CTNNA3: variants seen among roughly 807,000 people sequenced by gnomAD.
CTNNA3 encodes catenin alpha-3.
In CTNNA3, 76 loss-of-function variants were observed where a neutral mutation model predicts 95.7. That is an observed-to-expected ratio of 0.79 (90% CI 0.66 to 0.96). CTNNA3 has a LOEUF of 0.96. Among genes scored for constraint, CTNNA3 ranks in the 40% least tolerant of loss-of-function variants. The probability of loss-of-function intolerance (pLI) is 0.00; values close to 1 mark genes in which losing one functional copy is unlikely to be tolerated. For missense variants in CTNNA3, 1,191 were observed against 1,089.8 expected, an observed-to-expected ratio of 1.09 and a Z score of -1.31; for synonymous variants, 431 against 374.4, an observed-to-expected ratio of 1.15 and a Z score of -1.74.
chr10:66,209,055 T>A (rs1349597843), intron 13 of CTNNA3, among the ~76,000 whole-genome samples: 1 of 152,158 alleles, frequency 6.6e-6, no homozygotes, highest in East Asian at 1.9e-4. Flanking sequence ...GCATATTTTT[T>A]AAAAGTCCTC....
In CTNNA3 at chr10:66,447,270, A is replaced by T. The variant is rs537995762; in HGVS notation, c.1532-67918T>A. ...ACTGGCCAGGTAATTTATAGATTCC[A>T]TGCCATCCTCATCAAGCTACCAATG... On this transcript the variant is annotated intron_variant, in intron 11 of 17. Coordinates refer to ENST00000433211, the MANE Select transcript of CTNNA3 (RefSeq NM_013266.4). Among the ~76,000 whole-genome samples the T allele has an allele frequency of 5.9e-5, 9 of 152,294 alleles. No homozygotes were observed. The South Asian group carries it at 1.9e-3, about 32-fold the overall frequency.
chr10:66,305,586 T>G (rs2132241222), intron 12 of CTNNA3, among the ~76,000 whole-genome samples: 1 of 152,302 alleles, frequency 6.6e-6, no homozygotes, highest in Non-Finnish European at 1.5e-5. Context: ...TGATGGTACC[T>G]TATACTTTTC....
chr10:66,595,162 C>T (rs943076461), intron 10 of CTNNA3, among the ~76,000 whole-genome samples: 3 of 151,894 alleles, frequency 2.0e-5, no homozygotes, highest in Non-Finnish European at 4.4e-5. Flanking sequence ...AGTGGAACGA[C>T]AACAACAACC....
At chr10:67,264,625 T>C (rs1374683588) in intron 5 of CTNNA3, among the ~76,000 whole-genome samples, 1 of 152,164 alleles carries the variant, frequency 6.6e-6, no homozygotes, top group African/African-American at 2.4e-5. Flanking sequence ...TCCTCTATTC[T>C]GCAAATTTTA....
At chr10:66,547,309 A>T (rs568039438) in intron 10 of CTNNA3, among the ~76,000 whole-genome samples, 2 of 140,604 alleles carry the variant, frequency 1.4e-5, no homozygotes, top group African/African-American at 5.3e-5. Flanking sequence ...TTAAATGAGT[A>T]TATAACTTAT....
chr10:67,638,717 A>G (rs1463903967), intron 2 of CTNNA3, among the ~76,000 whole-genome samples: 3 of 152,028 alleles, frequency 2.0e-5, no homozygotes, highest in Admixed American at 1.3e-4. Flanking sequence ...ACTCAAAACC[A>G]CTCAACTACA....
rs79695616 is a variant in CTNNA3 at position 67,132,460 on chromosome 10, T to C, written c.1047+47857A>G. 3.8e-3 allele frequency among the ~76,000 whole-genome samples: 583 copies of C among 152,166 alleles called. 3 individuals are homozygous for C. Among genetic ancestry groups the C allele is most frequent in the African/African-American group, 0.012 (502 of 41,542 alleles). ...GGGAGATGAAAGAGAAAGTTAATCA[T>C]GGATTAAAAAGTATATGTAGATGTA... is the stretch of plus-strand genomic sequence containing the variant. On this transcript the variant is annotated intron_variant, in intron 7 of 17. Transcript: ENST00000433211.
At chr10:66,219,756 C>T (rs938131798) in intron 13 of CTNNA3, among the ~76,000 whole-genome samples, 3 of 152,070 alleles carry the variant, frequency 2.0e-5, no homozygotes, top group African/African-American at 7.2e-5. Flanking sequence ...TAATAAATGT[C>T]CTATTTTCAA....
At chr10:66,711,512 C>T (rs900553881) in intron 9 of CTNNA3, among the ~76,000 whole-genome samples, 1 of 151,924 alleles carries the variant, frequency 6.6e-6, no homozygotes, top group Admixed American at 6.6e-5. Flanking sequence ...ACCCATTCAA[C>T]AACATAAGTT....
chr10:66,604,620 C>A (rs1411328502), intron 10 of CTNNA3, among the ~76,000 whole-genome samples: 1 of 152,010 alleles, frequency 6.6e-6, no homozygotes, highest in South Asian at 2.1e-4. Flanking sequence ...CCTCAAAGAA[C>A]CAAAGAACAC....
At chr10:66,658,980 T>C (rs547833018) in intron 9 of CTNNA3, among the ~76,000 whole-genome samples, 2 of 152,252 alleles carry the variant, frequency 1.3e-5, no homozygotes, top group Admixed American at 1.3e-4. Context: ...TGAGCCACCA[T>C]ACCCAGCAGT....
intron 11 of CTNNA3, among the ~76,000 whole-genome samples, chr10:66,450,516 C>T (rs2093456576): frequency 6.6e-6 from 1 of 152,044 alleles, no homozygotes; most frequent in African/African-American, 2.4e-5. Flanking sequence ...ACGTTGTATT[C>T]ATTTCACAGT....
At chr10:67,408,495 C>T (rs1480069213) in intron 5 of CTNNA3, among the ~76,000 whole-genome samples, 1 of 152,122 alleles carries the variant, frequency 6.6e-6, no homozygotes, top group Non-Finnish European at 1.5e-5. Context: ...AAAGGATTCC[C>T]TATTTAATAA....
At chr10:66,823,906 T>C (rs535828924) in intron 7 of CTNNA3, among the ~76,000 whole-genome samples, 2 of 152,268 alleles carry the variant, frequency 1.3e-5, no homozygotes, top group South Asian at 4.1e-4. Context: ...ATTGGAGAGT[T>C]ACCATATTCC....
At chr10:67,488,672 C>CTTTTTTTTT (rs565227051) in intron 5 of CTNNA3, among the ~76,000 whole-genome samples, 5 of 130,766 alleles carry the variant, frequency 3.8e-5, no homozygotes, top group African/African-American at 3.0e-5. Flanking sequence ...TGCCCGGCCT[C>CTTTTTTTTT]TTTTTTTTTT....
chr10:67,244,409 C>T (rs1865831591), intron 5 of CTNNA3, among the ~76,000 whole-genome samples: 1 of 152,146 alleles, frequency 6.6e-6, no homozygotes, highest in South Asian at 2.1e-4. Flanking sequence ...TAAATTAGTG[C>T]TCCCTATGTT....
intron 5 of CTNNA3, among the ~76,000 whole-genome samples, chr10:67,230,490 G>C (rs1247783081): frequency 2.0e-5 from 3 of 152,082 alleles, no homozygotes; most frequent in African/African-American, 7.2e-5. Context: ...GGAACAGTGA[G>C]CAGAATAAAC....
intron 6 of CTNNA3, among the ~76,000 whole-genome samples, chr10:67,192,535 C>A (rs1863164459): frequency 1.3e-5 from 2 of 151,844 alleles, no homozygotes; most frequent in Non-Finnish European, 2.9e-5. Context: ...AAGGGAAATG[C>A]AACTCAAAAC....
At chr10:66,848,560 T>A (rs924704943) in intron 7 of CTNNA3, among the ~76,000 whole-genome samples, 2 of 152,196 alleles carry the variant, frequency 1.3e-5, no homozygotes, top group African/African-American at 4.8e-5. Context: ...AAATATTGTT[T>A]TAAAAATGCT....
Sources: gnomAD v4.1 joint callset for allele counts (sites outside exome capture counted in the v4.1 genomes callset) on GRCh38, gnomAD v4.1.1 for gene constraint, MANE v1.5 for transcripts, NCBI Gene and HGNC (gene_info 2026-07-23, HGNC 2026-07-21) for gene names.